Variants in SPMAP2L observed in about 807,000 individuals in gnomAD.
SPMAP2L encodes the protein sperm microtubule associated protein 2 like.
the SPMAP2L span, among the ~76,000 whole-genome samples, chr4:56,554,100 AT>A: frequency 6.6e-6 from 1 of 151,840 alleles, no homozygotes; most frequent in Non-Finnish European, 1.5e-5. Context: ...CCATTTACCT[AT>A]TTAAGGGCAT....
chr4:56,595,114 A>G, the SPMAP2L span: 1 of 1,611,608 alleles, frequency 6.2e-7, no homozygotes, highest in Non-Finnish European at 8.5e-7. Context: ...TTATATCAAG[A>G]TGATGGGAGG....
At chr4:56,535,495 T>C in the SPMAP2L span, among the ~76,000 whole-genome samples, 3 of 152,138 alleles carry the variant, frequency 2.0e-5, no homozygotes, top group African/African-American at 4.8e-5. Context: ...ACGTACCCCC[T>C]GCTTGCTCAA....
the SPMAP2L span, among the ~76,000 whole-genome samples, chr4:56,592,511 C>T: frequency 6.6e-6 from 1 of 152,250 alleles, no homozygotes; most frequent in African/African-American, 2.4e-5. Flanking sequence ...TCATTGCCCG[C>T]GAGCGTCCAT....
At chr4:56,601,070 C>T in the SPMAP2L span, 3 of 1,535,264 alleles carry the variant, frequency 2.0e-6, no homozygotes, top group Non-Finnish European at 2.6e-6. Flanking sequence ...CATTCCAAAG[C>T]ATCACCTAGG....
the SPMAP2L span, chr4:56,593,712 C>T: frequency 1.3e-6 from 2 of 1,582,310 alleles, no homozygotes; most frequent in South Asian, 1.1e-5. Flanking sequence ...GTGGGGGCAA[C>T]AAGAGACGCC....
chr4:56,597,871 G>GT, the SPMAP2L span, among the ~76,000 whole-genome samples: 4,831 of 148,712 alleles, frequency 0.032, 164 homozygotes, highest in African/African-American at 0.084. Context: ...TGATGGTGGT[G>GT]TTTTTTTTTT....
At chr4:56,594,433 G>T in the SPMAP2L span, 1 of 1,601,960 alleles carries the variant, frequency 6.2e-7, no homozygotes, top group Non-Finnish European at 8.6e-7. Flanking sequence ...AAGGATATCA[G>T]CAGCTTTTCT....
chr4:56,609,981 G>A, the SPMAP2L span, among the ~76,000 whole-genome samples: 1 of 152,180 alleles, frequency 6.6e-6, no homozygotes, highest in Admixed American at 6.5e-5. Context: ...CACATCCCAT[G>A]CTTATGGATG....
chr4:56,539,167 T>C, the SPMAP2L span, among the ~76,000 whole-genome samples: 1 of 152,214 alleles, frequency 6.6e-6, no homozygotes, highest in African/African-American at 2.4e-5. Flanking sequence ...CTAACAATAG[T>C]ATCATCACCT....
chr4:56,574,053 G>A, the SPMAP2L span, among the ~76,000 whole-genome samples: 2 of 152,244 alleles, frequency 1.3e-5, no homozygotes, highest in African/African-American at 2.4e-5. Context: ...GTCTGGGGGG[G>A]TAGTCAATGT....
the SPMAP2L span, among the ~76,000 whole-genome samples, chr4:56,578,750 G>A: frequency 6.6e-6 from 1 of 151,666 alleles, no homozygotes; most frequent in Non-Finnish European, 1.5e-5. Flanking sequence ...TAAAGACAGA[G>A]AAAGGACATT....
At chr4:56,546,493 C>T in the SPMAP2L span, among the ~76,000 whole-genome samples, 2 of 152,134 alleles carry the variant, frequency 1.3e-5, no homozygotes, top group Non-Finnish European at 2.9e-5. Context: ...TGTAAGAGAT[C>T]TCCAGGTGAT....
chr4:56,593,058 T>C, the SPMAP2L span: 158 of 1,587,054 alleles, frequency 1.0e-4, no homozygotes, highest in African/African-American at 1.9e-3. Context: ...AGATCCTATA[T>C]TGGCATGGGC....
the SPMAP2L span, among the ~76,000 whole-genome samples, chr4:56,618,305 A>G: frequency 1.6e-4 from 25 of 152,242 alleles, no homozygotes; most frequent in Non-Finnish European, 3.1e-4. Flanking sequence ...TAGAGAAAGT[A>G]TGAAAATACA....
chr4:56,547,109 T>C, the SPMAP2L span, among the ~76,000 whole-genome samples: 1 of 152,206 alleles, frequency 6.6e-6, no homozygotes, highest in African/African-American at 2.4e-5. Flanking sequence ...TACAGTGCTC[T>C]ATTTAAGCCA....
the SPMAP2L span, among the ~76,000 whole-genome samples, chr4:56,549,247 A>G: frequency 6.6e-6 from 1 of 152,074 alleles, no homozygotes. Context: ...TCTGCCTCCC[A>G]AAGTGCTGGG....
the SPMAP2L span, among the ~76,000 whole-genome samples, chr4:56,532,219 C>A: frequency 0.01 from 1,535 of 152,232 alleles, 34 homozygotes; most frequent in African/African-American, 0.035. Context: ...TTGACCCCCC[C>A]ACCCAGCTGA....
At chr4:56,595,302 C>T in the SPMAP2L span, 2 of 1,612,218 alleles carry the variant, frequency 1.2e-6, no homozygotes, top group South Asian at 2.2e-5. Context: ...TGGATGTGGC[C>T]AAGAGACTCC....
the SPMAP2L span, among the ~76,000 whole-genome samples, chr4:56,606,355 A>T: frequency 6.6e-6 from 1 of 151,988 alleles, no homozygotes; most frequent in Non-Finnish European, 1.5e-5. Context: ...CTTTATGGGG[A>T]TTTTTATTCA....
Sources: allele counts gnomAD v4.1 joint callset (sites outside exome capture counted in the v4.1 genomes callset), GRCh38; gene constraint gnomAD v4.1.1; transcripts MANE v1.5; gene names NCBI Gene and HGNC (gene_info 2026-07-23, HGNC 2026-07-21).